DCAF6: variants seen among roughly 807,000 people sequenced by gnomAD.
DCAF6 encodes the protein DDB1 and CUL4 associated factor 6, also known as DDB1- and CUL4-associated factor 6.
DCAF6 carries 54 observed loss-of-function variants against 125.1 expected under a neutral mutation model. The observed-to-expected ratio is 0.43, with a 90% confidence interval of 0.35 to 0.54. The LOEUF is 0.54. DCAF6 is among the 20% of genes least tolerant of loss of function. The pLI is 0.01. For synonymous variants in DCAF6, 371 were observed against 390.4 expected, an observed-to-expected ratio of 0.95 and a Z score of 0.58; for missense variants, 934 against 1,161.7, an observed-to-expected ratio of 0.80 and a Z score of 2.85.
chr1:167,984,856 C>T (rs1244895317), intron 4 of DCAF6, among the ~76,000 whole-genome samples: 3 of 152,064 alleles, frequency 2.0e-5, no homozygotes, highest in Non-Finnish European at 2.9e-5. Flanking sequence ...CATTTTCATG[C>T]TGCTAATAAA....
the DCAF6 span, among the ~76,000 whole-genome samples, chr1:167,865,218 T>C: frequency 6.6e-5 from 10 of 152,182 alleles, no homozygotes; most frequent in Non-Finnish European, 1.2e-4. Context: ...AGAATGTGGA[T>C]TTTTACCTAC....
At position 167,993,431 on chromosome 1, in the gene DCAF6, A is replaced by G. The variant is rs1319566846; in HGVS notation, c.894A>G (p.Arg298=). 6.2e-7 allele frequency: 1 copy of G among 1,613,528 alleles called. No homozygotes were observed. The highest frequency in any genetic ancestry group is 2.2e-5 in the East Asian group (1 of 44,884). ...TTAAAACTCCTTCTGCGGAAGAGAG[A>G]AGAGAAGAGGTAGGTTTACTCAAAA... is the stretch of plus-strand genomic sequence containing the variant. ...RELKTPSAEE[R]REELRQPPVK... Residue 298 remains arginine, a synonymous_variant, in exon 7 of 22, where the codon AGA becomes AGG. Transcript: ENST00000367840.
rs180695471 is a variant in DCAF6 at position 168,063,216 on chromosome 1, A to G, written c.2301-405A>G. Reference sequence around the variant, plus strand: ...TCCACTGCTATTATATATTACCTTTAGTTTCTTTTCATTTCTCTTTATGTG... The same window carrying G: ...TCCACTGCTATTATATATTACCTTTGGTTTCTTTTCATTTCTCTTTATGTG... On this transcript the variant is annotated intron_variant, in intron 17 of 21. Coordinates refer to ENST00000367840, the MANE Select transcript of DCAF6 (RefSeq NM_001198956.2). Among the ~76,000 whole-genome samples, 5 of 152,246 alleles carry G rather than the reference A, an allele frequency of 3.3e-5. No homozygotes were observed. The East Asian group carries it at 9.6e-4, about 29-fold the overall frequency.
the DCAF6 span, among the ~76,000 whole-genome samples, chr1:167,875,896 T>C: frequency 4.6e-5 from 7 of 151,658 alleles, no homozygotes; most frequent in African/African-American, 1.7e-4. Context: ...GAGCTTGCAG[T>C]GAGCCGAGAT....
chr1:167,899,591 T>C, the DCAF6 span: 4 of 1,614,108 alleles, frequency 2.5e-6, no homozygotes, highest in Admixed American at 5.0e-5. Context: ...GTGTTTCATC[T>C]CCAAAGACCA....
chr1:167,867,079 C>T, the DCAF6 span, among the ~76,000 whole-genome samples: 1 of 152,210 alleles, frequency 6.6e-6, no homozygotes, highest in African/African-American at 2.4e-5. Flanking sequence ...CCCCACATAA[C>T]CATTGAAGTT....
intron 19 of DCAF6, 150 bp downstream of exon 19, chr1:168,065,896 C>T: frequency 1.6e-6 from 1 of 644,854 alleles, no homozygotes; most frequent in Non-Finnish European, 2.4e-6. Context: ...TGAACTTGCA[C>T]TTCAAACACA....
At chr1:167,867,658 CA>C in the DCAF6 span, among the ~76,000 whole-genome samples, 1 of 151,530 alleles carries the variant, frequency 6.6e-6, no homozygotes, top group Non-Finnish European at 1.5e-5. Flanking sequence ...CTAGGTGACA[CA>C]AGTAAAGTAA....
chr1:167,953,714 G>A (rs1026499870), intron 2 of DCAF6, among the ~76,000 whole-genome samples: 12 of 151,748 alleles, frequency 7.9e-5, no homozygotes, highest in African/African-American at 2.7e-4. Context: ...GTTCTCCGCT[G>A]CAGCCTCCCG....
chr1:167,918,310 A>G, the DCAF6 span: 2 of 1,564,312 alleles, frequency 1.3e-6, no homozygotes, highest in Non-Finnish European at 1.8e-6. Flanking sequence ...TGTTCAGGTG[A>G]TCAGGAACTC....
At chr1:167,980,925 T>TC (rs2102938974) in intron 4 of DCAF6, among the ~76,000 whole-genome samples, 1 of 149,078 alleles carries the variant, frequency 6.7e-6, no homozygotes, top group East Asian at 1.9e-4. Context: ...TCTTTTTTTT[T>TC]TTTTTTTTTT....
At chr1:168,004,131 T>C in intron 9 of DCAF6, 142 bp downstream of exon 9, 1 of 1,071,906 alleles carries the variant, frequency 9.3e-7, no homozygotes, top group East Asian at 2.6e-5. Context: ...TGTGAAGTAG[T>C]AGAGAATAAA....
intron 12 of DCAF6, among the ~76,000 whole-genome samples, chr1:168,028,603 A>C (rs963140888): frequency 6.6e-6 from 1 of 152,188 alleles, no homozygotes; most frequent in Non-Finnish European, 1.5e-5. Context: ...ATATAAGCTG[A>C]CTGTCTTTGA....
At chr1:167,993,144 T>C (rs1475096883) in intron 6 of DCAF6, 82 bp from the exon 7 acceptor site, 3 of 1,191,616 alleles carry the variant, frequency 2.5e-6, no homozygotes, top group African/African-American at 3.1e-5. Context: ...AAGTCACATG[T>C]AATAATTCAG....
chr1:167,889,217 A>G, the DCAF6 span, among the ~76,000 whole-genome samples: 1 of 152,180 alleles, frequency 6.6e-6, no homozygotes, highest in African/African-American at 2.4e-5. Context: ...GGTCTATTCT[A>G]TATGGCTTTT....
Position 167,991,298 on chromosome 1 carries a change from T to G in DCAF6, c.647T>G (p.Val216Gly). 3 of 1,613,514 alleles carry G rather than the reference T, an allele frequency of 1.9e-6. No homozygotes were observed. Among genetic ancestry groups the G allele is most frequent in the Non-Finnish European group, 2.5e-6 (3 of 1,179,774 alleles). Residue 216 changes from valine to glycine, a missense_variant, in exon 6 of 22, where the codon GTA (valine) becomes GGA (glycine). By Grantham distance (109) the Val-to-Gly change is moderately radical. Around this residue, in one of 5 missense-constraint regions of DCAF6, gnomAD observed 309 missense variants for 381.2 expected, o/e 0.81. Transcript: ENST00000367840. ...GCTGTTGGTTGTTCTGACAGCTCAGTACGAATATATGATCGGCGAATGCTG... is the reference window on the plus strand; with the variant it reads ...GCTGTTGGTTGTTCTGACAGCTCAGGACGAATATATGATCGGCGAATGCTG... Reference protein sequence around the residue: ...YLAVGCSDSSVRIYDRRMLGT... With the variant: ...YLAVGCSDSSGRIYDRRMLGT...
intron 20 of DCAF6, among the ~76,000 whole-genome samples, chr1:168,067,220 A>G (rs1692451003): frequency 6.6e-6 from 1 of 152,240 alleles, no homozygotes; most frequent in Non-Finnish European, 1.5e-5. Context: ...ATTCCCATGT[A>G]TACTTTCACT....
At chr1:167,936,011 G>C, upstream of DCAF6, 1 of 618,776 alleles carries the variant, frequency 1.6e-6, no homozygotes. Flanking sequence ...GAAAAGCTGC[G>C]GCCCGCGCCC....
At position 167,949,164 on chromosome 1, in the gene DCAF6, A is replaced by G. The variant is rs377218325; in HGVS notation, c.98-2636A>G. ...AAAAGAATGCCAGAGTAGAGTCAGA[A>G]TTATAAGAGGCAGCTTGAAGTACAG... On this transcript the variant is annotated intron_variant, in intron 1 of 21. Coordinates refer to ENST00000367840, the MANE Select transcript of DCAF6 (RefSeq NM_001198956.2). Among the ~76,000 whole-genome samples, 122 of 152,336 alleles carry G rather than the reference A, an allele frequency of 8.0e-4. 1 individual carries two copies. The South Asian group carries it at 0.023, about 28-fold the overall frequency.
Sources: gnomAD v4.1 joint callset for allele counts (sites outside exome capture counted in the v4.1 genomes callset) on GRCh38, gnomAD v4.1.1 for gene constraint, gnomAD v4.1.1 regional missense constraint, MANE v1.5 for transcripts, NCBI Gene and HGNC (gene_info 2026-07-23, HGNC 2026-07-21) for gene names.